GRIA1: variants seen among roughly 807,000 people sequenced by gnomAD.
GRIA1 encodes glutamate ionotropic receptor AMPA type subunit 1.
In GRIA1, 31 loss-of-function variants were observed where a neutral mutation model predicts 99.2. The ratio of observed to expected loss-of-function variants is 0.31; its 90% CI spans 0.23 to 0.42. The LOEUF (loss-of-function observed/expected upper bound fraction) is 0.42. GRIA1 is among the 10% of genes least tolerant of loss of function. GRIA1 has a pLI of 1.00. For synonymous variants in GRIA1, 438 were observed against 432.4 expected (o/e 1.01, Z -0.16); for missense variants, 782 against 1,157.5 (o/e 0.68, Z 4.71).
At chr5:153,661,045 C>T (rs746132766) in intron 5 of GRIA1, among the ~76,000 whole-genome samples, 1 of 152,150 alleles carries the variant, frequency 6.6e-6, no homozygotes, top group Non-Finnish European at 1.5e-5. Flanking sequence ...CTATTCCAAG[C>T]CCCCAGCCCC....
chr5:153,595,697 A>T (rs952362622), intron 2 of GRIA1, among the ~76,000 whole-genome samples: 1 of 149,636 alleles, frequency 6.7e-6, no homozygotes, highest in African/African-American at 2.4e-5. Context: ...ATGCTTTTTA[A>T]TTGTAAACCT....
At position 153,796,923 on chromosome 5, in the gene GRIA1, A is replaced by G. The variant is rs200764638; in HGVS notation, c.2385+2188A>G. Among the ~76,000 whole-genome samples, 5 of 152,278 alleles carry G rather than the reference A, an allele frequency of 3.3e-5. No homozygotes were observed. In the East Asian group the frequency reaches 9.7e-4, roughly 29 times the overall value. On this transcript the variant is annotated intron_variant, in intron 14 of 15. Coordinates refer to ENST00000285900, the MANE Select transcript of GRIA1 (RefSeq NM_000827.4). ...CCTGGAAGGCAAAAGGACTGAAAAC[A>G]CACTGTGTACAAGCCCCATCCCTGC...
At chr5:153,587,260 C>T (rs1432516900) in intron 2 of GRIA1, among the ~76,000 whole-genome samples, 2 of 152,092 alleles carry the variant, frequency 1.3e-5, no homozygotes, top group Admixed American at 6.6e-5. Context: ...ACCTCCCCCA[C>T]CACCCTCTCT....
rs114824113 is a variant in GRIA1, at chr5:153,654,372, T to G, written c.646-1447T>G. Reference sequence around the variant, plus strand: ...GTACTTTCATCTTGTGGGGACAATATTTCTCCATTGCCTGAATGTGGTTGG... The same window carrying G: ...GTACTTTCATCTTGTGGGGACAATAGTTCTCCATTGCCTGAATGTGGTTGG... On this transcript the variant is annotated intron_variant, in intron 4 of 15. Coordinates refer to ENST00000285900, the MANE Select transcript of GRIA1 (RefSeq NM_000827.4). Among the ~76,000 whole-genome samples, 1,284 of 152,264 alleles carry G rather than the reference T, an allele frequency of 8.4e-3. 21 individuals carry two copies. The highest frequency in any genetic ancestry group is 0.029 in the African/African-American group (1,188 of 41,558).
At chr5:153,782,035 G>A (rs546819973) in intron 13 of GRIA1, among the ~76,000 whole-genome samples, 2 of 152,198 alleles carry the variant, frequency 1.3e-5, no homozygotes, top group South Asian at 4.2e-4. Flanking sequence ...ATTTCTCTAA[G>A]AAACAAATCC....
At chr5:153,678,624 A>G (rs1756759720) in intron 7 of GRIA1, among the ~76,000 whole-genome samples, 1 of 152,192 alleles carries the variant, frequency 6.6e-6, no homozygotes, top group Admixed American at 6.5e-5. Flanking sequence ...CAGTCGAGAC[A>G]GATTCTGTTT....
intron 11 of GRIA1, among the ~76,000 whole-genome samples, chr5:153,725,745 C>T (rs1387852426): frequency 8.6e-6 from 1 of 116,312 alleles, no homozygotes; most frequent in Non-Finnish European, 1.7e-5. Flanking sequence ...TAAAGCAAGT[C>T]CTGAGTGACC....
At chr5:153,796,668 T>C (rs990929857) in intron 14 of GRIA1, among the ~76,000 whole-genome samples, 1 of 152,128 alleles carries the variant, frequency 6.6e-6, no homozygotes, top group Non-Finnish European at 1.5e-5. Context: ...TCTAACACTG[T>C]CTCCCATACC....
rs1554108110 is a variant in GRIA1 at position 153,649,440 on chromosome 5, T to TTTATTTAGTTAGTTAG, written c.461-887_461-886insTTTAGTTAGTTAGTTA. ...ATTCAGGACACATTTTATTTATTTATTTAGTTAGTTAGTTAGTTAGTTAGT... is the reference window on the plus strand; with the variant it reads ...ATTCAGGACACATTTTATTTATTTATTTATTTAGTTAGTTAGTTAGTTAGTTAGTTAGTTAGTTAGT... On this transcript the variant is annotated intron_variant, in intron 3 of 15. Coordinates refer to ENST00000285900, the MANE Select transcript of GRIA1 (RefSeq NM_000827.4). 1.2e-3 allele frequency among the ~76,000 whole-genome samples: 175 copies of TTTATTTAGTTAGTTAG among 146,900 alleles called. 1 individual carries two copies. Among genetic ancestry groups the TTTATTTAGTTAGTTAG allele is most frequent in the Middle Eastern group, 6.9e-3 (2 of 290 alleles).
At chr5:153,653,525 T>A (rs1467198215) in intron 4 of GRIA1, among the ~76,000 whole-genome samples, 2 of 152,210 alleles carry the variant, frequency 1.3e-5, no homozygotes, top group Non-Finnish European at 1.5e-5. Context: ...ACTTTATCAA[T>A]ATATGATGCC....
chr5:153,731,041 C>G (rs1760975373), intron 11 of GRIA1, among the ~76,000 whole-genome samples: 1 of 152,034 alleles, frequency 6.6e-6, no homozygotes. Flanking sequence ...AGGCCCTCTT[C>G]CTGAAACCTT....
intron 11 of GRIA1, among the ~76,000 whole-genome samples, chr5:153,722,402 G>A (rs78050175): frequency 1.3e-5 from 2 of 152,040 alleles, no homozygotes; most frequent in African/African-American, 2.4e-5. Context: ...CTACCTCAAA[G>A]TCATAAAGAT....
At chr5:153,634,701 G>A (rs962604740) in intron 2 of GRIA1, among the ~76,000 whole-genome samples, 4 of 152,206 alleles carry the variant, frequency 2.6e-5, no homozygotes, top group East Asian at 1.9e-4. Context: ...TCTATTGGCC[G>A]AGCATTTGTT....
chr5:153,656,148 C>T (rs1754927968), intron 5 of GRIA1, among the ~76,000 whole-genome samples: 1 of 152,066 alleles, frequency 6.6e-6, no homozygotes, highest in Admixed American at 6.6e-5. Context: ...TTGGCTCTGC[C>T]CCTTGGCAAT....
At position 153,705,662 on chromosome 5, in the gene GRIA1, A is replaced by ATTTTTTTTTT. The variant is rs70978505; in HGVS notation, c.1453-13_1453-4dup. 3.6e-4 allele frequency: 268 copies of ATTTTTTTTTT among 752,688 alleles called. 4 individuals carry two copies. Among genetic ancestry groups the ATTTTTTTTTT allele is most frequent in the Middle Eastern group, 9.8e-4 (2 of 2,036 alleles). 46.6% of individuals were successfully genotyped at this position (752,688 alleles called of 1,614,324 possible). A position where few individuals can be genotyped will look rare whatever the true frequency, so the allele number is the denominator to read the frequency against. ...GAAAAGGGCTGCTGAGCTCACCTGCATTTTTTTTTTTTTTTTTTTTTTTTT... is the reference window on the plus strand; with the variant it reads ...GAAAAGGGCTGCTGAGCTCACCTGCATTTTTTTTTTTTTTTTTTTTTTTTTTTTTTTTTTT... On this transcript the variant is annotated intron_variant, in intron 10 of 15. Transcript: ENST00000285900.
intron 2 of GRIA1, among the ~76,000 whole-genome samples, chr5:153,590,051 T>C (rs1763819911): frequency 6.6e-6 from 1 of 152,186 alleles, no homozygotes; most frequent in East Asian, 1.9e-4. Flanking sequence ...TGTGTTTGTC[T>C]CATTTGTAAA....
intron 13 of GRIA1, among the ~76,000 whole-genome samples, chr5:153,789,305 T>C (rs1765155433): frequency 1.4e-5 from 2 of 142,382 alleles, no homozygotes; most frequent in African/African-American, 5.1e-5. Context: ...TTCTAATACC[T>C]CTTTTGATAT....
intron 11 of GRIA1, among the ~76,000 whole-genome samples, chr5:153,734,035 A>G (rs1761218960): frequency 6.6e-6 from 1 of 152,226 alleles, no homozygotes; most frequent in Admixed American, 6.5e-5. Context: ...AGAACATTCC[A>G]TCCAAAAGTG....
intron 15 of GRIA1, among the ~76,000 whole-genome samples, chr5:153,809,580 A>G (rs991982939): frequency 6.6e-6 from 1 of 152,240 alleles, no homozygotes; most frequent in Non-Finnish European, 1.5e-5. Flanking sequence ...AATAATGGCA[A>G]TATGTCAGAG....
Sources: gnomAD v4.1 joint callset for allele counts (sites outside exome capture counted in the v4.1 genomes callset) on GRCh38, gnomAD v4.1.1 for gene constraint, MANE v1.5 for transcripts, NCBI Gene and HGNC (gene_info 2026-07-23, HGNC 2026-07-21) for gene names.